The following NEBL variants were observed in gnomAD, a reference collection of about 807,000 sequenced individuals.
NEBL encodes the protein LIM and SH3 protein 2.
In NEBL, 122 loss-of-function variants were observed where a neutral mutation model predicts 140.2. That is an observed-to-expected ratio of 0.87 (90% confidence interval 0.75 to 1.01). NEBL has a LOEUF of 1.01. NEBL is among the 50% of genes least tolerant of loss of function. NEBL has a pLI of 0.00. For synonymous variants in NEBL, 436 were observed against 398.9 expected (o/e 1.09, Z -1.11); for missense variants, 1,365 against 1,231.3 (o/e 1.11, Z -1.62).
intron 26 of NEBL, among the ~76,000 whole-genome samples, chr10:20,800,870 A>T (rs911313022): frequency 1.3e-5 from 2 of 152,076 alleles, no homozygotes; most frequent in African/African-American, 4.8e-5. Flanking sequence ...AATGGATTAA[A>T]CCTCCAAGGA....
chr10:20,810,415 G>T (rs1399993027), intron 24 of NEBL, among the ~76,000 whole-genome samples: 3 of 152,212 alleles, frequency 2.0e-5, no homozygotes, highest in Non-Finnish European at 4.4e-5. Context: ...TTAAAATGTG[G>T]AATGGTGGCA....
chr10:21,160,867 A>G (rs919458839), intron 2 of NEBL, among the ~76,000 whole-genome samples: 291 of 92,868 alleles, frequency 3.1e-3, no homozygotes, highest in African/African-American at 0.011. Flanking sequence ...CCAGGGGGAA[A>G]AAAAAAAAAA....
At chr10:21,184,759 T>C (rs935778558) in intron 3 of NEBL, among the ~76,000 whole-genome samples, 13 of 152,210 alleles carry the variant, frequency 8.5e-5, no homozygotes, top group African/African-American at 2.9e-4. Flanking sequence ...CATAAGAAGA[T>C]GTTTCTGATA....
intron 2 of NEBL, among the ~76,000 whole-genome samples, chr10:21,122,775 A>G (rs955044641): frequency 2.6e-5 from 4 of 152,198 alleles, no homozygotes; most frequent in African/African-American, 7.2e-5. Flanking sequence ...AGTTGAAAAT[A>G]TGACAGATCA....
chr10:20,907,202 G>A (rs897177149), intron 4 of NEBL, among the ~76,000 whole-genome samples: 1 of 151,984 alleles, frequency 6.6e-6, no homozygotes, highest in Non-Finnish European at 1.5e-5. Context: ...TAATAAGCAA[G>A]CAATAAAGTC....
intron 20 of NEBL, among the ~76,000 whole-genome samples, chr10:20,818,433 C>A (rs1289463697): frequency 6.6e-6 from 1 of 152,166 alleles, no homozygotes; most frequent in African/African-American, 2.4e-5. Context: ...CAGGGCCCAG[C>A]ACAGAGTAGC....
chr10:20,843,528 A>G (rs1841584552), intron 12 of NEBL, among the ~76,000 whole-genome samples: 1 of 139,928 alleles, frequency 7.1e-6, no homozygotes, highest in Non-Finnish European at 1.5e-5. Flanking sequence ...TATATAAGTG[A>G]TTAAAAAAAG....
At chr10:21,126,833 G>A (rs1838858360) in intron 2 of NEBL, among the ~76,000 whole-genome samples, 1 of 151,816 alleles carries the variant, frequency 6.6e-6, no homozygotes, top group South Asian at 2.1e-4. Context: ...AAATTAGCCA[G>A]GTATGGTGGT....
intron 2 of NEBL, among the ~76,000 whole-genome samples, chr10:21,061,242 T>TATTACATATTATGTGATATGTAAC (rs1392020175): frequency 2.3e-4 from 34 of 147,706 alleles, no homozygotes; most frequent in African/African-American, 8.7e-4. Context: ...TATTGTGATA[T>TATTACATATTATGTGATATGTAAC]ATTACATATT....
rs1170672395 is a variant in NEBL, at chr10:20,782,446, C to T, written c.*3301G>A. 6.6e-6 allele frequency: 1 copy of T among 152,536 alleles called. No individual in the cohort carries two copies. Among genetic ancestry groups the T allele is most frequent in the South Asian group, 2.1e-4 (1 of 4,824 alleles). The allele number at this position is 152,536 out of a possible 1,614,324, so 9.4% of individuals were successfully genotyped here. A position where few individuals can be genotyped will look rare whatever the true frequency, so the allele number is the denominator to read the frequency against. On this transcript the variant is annotated 3_prime_UTR_variant, in exon 28 of 28. Coordinates refer to ENST00000377122, the MANE Select transcript of NEBL (RefSeq NM_006393.3). Reference sequence around the variant, plus strand: ...ATGAACCTGAAAACGAGGTACATCCCTTGAACTTCCACTATCTTTTTAGAA... The same window carrying T: ...ATGAACCTGAAAACGAGGTACATCCTTTGAACTTCCACTATCTTTTTAGAA...
chr10:20,988,610 A>G (rs150199531), intron 3 of NEBL, among the ~76,000 whole-genome samples: 24 of 152,148 alleles, frequency 1.6e-4, no homozygotes, highest in African/African-American at 5.3e-4. Context: ...GTCTCTCTCT[A>G]TTGGGTCACT....
At chr10:21,253,043 C>T (rs138309068) in intron 1 of NEBL, among the ~76,000 whole-genome samples, 282 of 152,292 alleles carry the variant, frequency 1.9e-3, no homozygotes, top group Middle Eastern at 0.01. Context: ...GGGTGGATCA[C>T]CTGAGCGCAA....
At chr10:21,066,836 T>G (rs1835572026) in intron 2 of NEBL, among the ~76,000 whole-genome samples, 1 of 152,050 alleles carries the variant, frequency 6.6e-6, no homozygotes, top group Non-Finnish European at 1.5e-5. Flanking sequence ...GTTTTTCTAT[T>G]TAACTGAATA....
At chr10:20,998,801 T>C (rs1837768684) in intron 3 of NEBL, among the ~76,000 whole-genome samples, 2 of 152,198 alleles carry the variant, frequency 1.3e-5, no homozygotes, top group Non-Finnish European at 2.9e-5. Context: ...AATTCACAAC[T>C]AGCCCCAATG....
At chr10:20,900,262 T>G (rs976728591), upstream of NEBL, among the ~76,000 whole-genome samples, 1 of 152,250 alleles carries the variant, frequency 6.6e-6, no homozygotes. Flanking sequence ...ACATCACTTA[T>G]GGCTAAACTC....
intron 3 of NEBL, among the ~76,000 whole-genome samples, chr10:21,180,879 C>T (rs1041791873): frequency 2.0e-5 from 3 of 152,134 alleles, no homozygotes; most frequent in African/African-American, 7.2e-5. Context: ...GGATTTTACT[C>T]TCCTAGACAG....
At chr10:21,232,765 T>C (rs1024596863) in intron 3 of NEBL, among the ~76,000 whole-genome samples, 1 of 152,050 alleles carries the variant, frequency 6.6e-6, no homozygotes, top group Non-Finnish European at 1.5e-5. Flanking sequence ...CTTCACAGGG[T>C]TTTGAGCAAA....
chr10:21,158,125 T>C (rs1441304018), intron 2 of NEBL, among the ~76,000 whole-genome samples: 1 of 152,234 alleles, frequency 6.6e-6, no homozygotes, highest in South Asian at 2.1e-4. Context: ...CCTAGCAAAC[T>C]ATGACAGAAC....
At chr10:21,178,403 T>C (rs549227642), upstream of NEBL, among the ~76,000 whole-genome samples, 1 of 152,214 alleles carries the variant, frequency 6.6e-6, no homozygotes, top group East Asian at 1.9e-4. Flanking sequence ...TGATAAATGC[T>C]CTAAAATAAA....
Sources: allele counts gnomAD v4.1 joint callset (sites outside exome capture counted in the v4.1 genomes callset), GRCh38; gene constraint gnomAD v4.1.1; transcripts MANE v1.5; gene names NCBI Gene and HGNC (gene_info 2026-07-23, HGNC 2026-07-21).